Variants in USP43 observed in about 807,000 individuals in gnomAD.
The protein encoded by USP43 is ubiquitin specific peptidase 43, also known as ubiquitin carboxyl-terminal hydrolase 43.
A neutral mutation model predicts 90.7 loss-of-function variants in USP43; 33 were observed. That is an observed-to-expected ratio of 0.36 (90% CI 0.28 to 0.49). USP43 has a LOEUF of 0.49. Among genes scored for constraint, USP43 ranks in the 20% least tolerant of loss-of-function variants. The pLI is 0.98. For missense variants in USP43, 1,274 were observed against 1,476.4 expected (o/e 0.86, Z 2.25); for synonymous variants, 598 against 615.8 (o/e 0.97, Z 0.43).
At chr17:9,687,229 A>ATCATTCCCTAAGCATTT (rs1914647815) in intron 8 of USP43, among the ~76,000 whole-genome samples, 1 of 152,100 alleles carries the variant, frequency 6.6e-6, no homozygotes, top group Non-Finnish European at 1.5e-5. Context: ...CACATTTTCC[A>ATCATTCCCTAAGCATTT]TCATTCCCTA....
chr17:9,702,198 CAA>C (rs956217393), intron 12 of USP43, among the ~76,000 whole-genome samples: 5 of 146,812 alleles, frequency 3.4e-5, no homozygotes, highest in South Asian at 4.3e-4. Flanking sequence ...CCCGTCTCTA[CAA>C]AAAAAATGAA....
intron 4 of USP43, 110 bp downstream of exon 4, chr17:9,675,093 C>A (rs1220371058): frequency 5.3e-6 from 5 of 938,036 alleles, no homozygotes; most frequent in Non-Finnish European, 8.5e-6. Context: ...TCTCAGCCAG[C>A]ATTTCTCTGG....
intron 9 of USP43, among the ~76,000 whole-genome samples, chr17:9,696,988 G>A (rs1168603774): frequency 2.6e-5 from 4 of 152,228 alleles, no homozygotes; most frequent in Non-Finnish European, 2.9e-5. Context: ...AGGCCAAGGC[G>A]GGTGGATCAC....
chr17:9,725,618 G>C (rs754494681), intron 14 of USP43, among the ~76,000 whole-genome samples: 1 of 152,196 alleles, frequency 6.6e-6, no homozygotes, highest in Non-Finnish European at 1.5e-5. Context: ...GATAACAGGG[G>C]TACTTTTTCA....
chr17:9,690,157 ACT>A (rs1303012485), intron 8 of USP43, among the ~76,000 whole-genome samples: 3 of 150,108 alleles, frequency 2.0e-5, no homozygotes, highest in African/African-American at 7.4e-5. Flanking sequence ...TCGGCTCACA[ACT>A]CTCTGCATCT....
chr17:9,712,038 A>G lies in USP43; in HGVS notation c.2241A>G (p.Gly747=). The G allele has an allele frequency of 6.2e-7, 1 of 1,612,060 alleles. No individual in the cohort carries two copies. Among genetic ancestry groups the G allele is most frequent in the Non-Finnish European group, 8.5e-7 (1 of 1,179,142 alleles). Reference sequence around the variant, plus strand: ...GGAGCCACGCTGGCAGCACAAGGGGAAGCCTGCTGTCCTGGAGCTCTGCCC... The same window carrying G: ...GGAGCCACGCTGGCAGCACAAGGGGGAGCCTGCTGTCCTGGAGCTCTGCCC... The part of the protein sequence containing the change: ...RLGSHAGSTR[G]SLLSWSSAPC... Residue 747 remains glycine, a synonymous_variant, in exon 14 of 15, where the codon GGA becomes GGG. Coordinates refer to ENST00000285199, the MANE Select transcript of USP43 (RefSeq NM_153210.5).
chr17:9,648,722 C>A (rs902104686), intron 1 of USP43, among the ~76,000 whole-genome samples: 2 of 151,982 alleles, frequency 1.3e-5, no homozygotes, highest in Non-Finnish European at 2.9e-5. Flanking sequence ...GGAGGTGGGG[C>A]CGAGAGACCT....
At chr17:9,705,647 C>T (rs1322810686) in intron 12 of USP43, among the ~76,000 whole-genome samples, 1 of 150,136 alleles carries the variant, frequency 6.7e-6, no homozygotes, top group Non-Finnish European at 1.5e-5. Flanking sequence ...TCCAGCTACT[C>T]GGGGGGCTGA....
chr17:9,676,456 G>A (rs1226061051), intron 4 of USP43, among the ~76,000 whole-genome samples: 1 of 152,108 alleles, frequency 6.6e-6, no homozygotes, highest in Non-Finnish European at 1.5e-5. Context: ...TACAAGCTCC[G>A]CCTCTCAGGT....
intron 2 of USP43, 63 bp downstream of exon 2, chr17:9,656,597 C>A: frequency 2.0e-6 from 3 of 1,515,306 alleles, no homozygotes; most frequent in Non-Finnish European, 2.7e-6. Context: ...AATATTGACT[C>A]AGCTCCTCAA....
At chr17:9,715,070 A>G (rs575292550) in intron 14 of USP43, among the ~76,000 whole-genome samples, 2 of 152,332 alleles carry the variant, frequency 1.3e-5, no homozygotes, top group Middle Eastern at 3.4e-3. Flanking sequence ...AGGCGGGTTG[A>G]CAGCTAAGTA....
chr17:9,702,672 G>C (rs1278717493), intron 12 of USP43, among the ~76,000 whole-genome samples: 5 of 152,146 alleles, frequency 3.3e-5, no homozygotes, highest in African/African-American at 7.2e-5. Flanking sequence ...GTCATTGTTT[G>C]CTTCTCCCCC....
At chr17:9,721,875 T>C (rs963381910) in intron 14 of USP43, among the ~76,000 whole-genome samples, 1 of 150,580 alleles carries the variant, frequency 6.6e-6, no homozygotes, top group African/African-American at 2.5e-5. Context: ...AGGTGACAGG[T>C]GCCCGCCACC....
chr17:9,714,350 A>G (rs1008166224), intron 14 of USP43, among the ~76,000 whole-genome samples: 4 of 152,184 alleles, frequency 2.6e-5, no homozygotes, highest in African/African-American at 7.2e-5. Flanking sequence ...TGGATGGAAC[A>G]GTGCTGGCTG....
Position 9,674,834 on chromosome 17 carries a change from T to C in USP43, c.741-57T>C. The C allele has an allele frequency of 7.1e-7, 1 of 1,416,218 alleles. No homozygotes were observed. Among genetic ancestry groups the C allele is most frequent in the Non-Finnish European group, 1.0e-6 (1 of 1,000,684 alleles). The allele number at this position is 1,416,218 out of a possible 1,614,324, so 87.7% of individuals were successfully genotyped here. ...GCAAGGATAATTCTGTATTGAATTT[T>C]ACCCCCAAATTGTTTACGTGTGATT... On this transcript the variant is annotated intron_variant, in intron 3 of 14. Transcript: ENST00000285199. The surrounding 1 kb of genome is among the most constrained non-coding windows in gnomAD (Gnocchi z 4.4).
intron 8 of USP43, among the ~76,000 whole-genome samples, chr17:9,691,123 T>C (rs201873398): frequency 9.3e-4 from 61 of 65,578 alleles, no homozygotes; most frequent in African/African-American, 3.4e-3. Flanking sequence ...TTTTTTTTTC[T>C]TTTTTTTTGA....
chr17:9,671,233 A>G (rs76783084), intron 3 of USP43, among the ~76,000 whole-genome samples: 2,050 of 152,302 alleles, frequency 0.013, 42 homozygotes, highest in African/African-American at 0.047. Context: ...CTGCAAGTCT[A>G]ACGACCAACG....
intron 1 of USP43, among the ~76,000 whole-genome samples, chr17:9,655,778 G>C (rs1912199571): frequency 6.6e-6 from 1 of 152,184 alleles, no homozygotes; most frequent in Non-Finnish European, 1.5e-5. Flanking sequence ...ATGAAGGGCT[G>C]GCTCAGCCAT....
chr17:9,701,323 C>T lies in USP43; in HGVS notation c.1663-29C>T. ...GTGGGTTGGCCACGTGCTGCGGGGG[C>T]CTCACAGTCCGGGTGGTTTGCTTTC... On this transcript the variant is annotated intron_variant, in intron 11 of 14. Coordinates refer to ENST00000285199, the MANE Select transcript of USP43 (RefSeq NM_153210.5). This position sits in a 1 kb window ranked among gnomAD's most constrained non-coding sequence, Gnocchi z 7.2. The T allele has an allele frequency of 6.3e-7, 1 of 1,587,010 alleles. No individual in the cohort carries two copies. Among genetic ancestry groups the T allele is most frequent in the East Asian group, 2.3e-5 (1 of 43,672 alleles).
Sources: gnomAD v4.1 joint callset for allele counts (sites outside exome capture counted in the v4.1 genomes callset) on GRCh38, gnomAD v4.1.1 for gene constraint, Gnocchi (gnomAD v3.1) non-coding constraint, MANE v1.5 for transcripts, NCBI Gene and HGNC (gene_info 2026-07-23, HGNC 2026-07-21) for gene names.